Variants in SLC16A10 observed in about 807,000 individuals in gnomAD.
SLC16A10 encodes solute carrier family 16 member 10.
In SLC16A10, 27 loss-of-function variants were observed where a neutral mutation model predicts 40.0. That is an observed-to-expected ratio of 0.67 (90% CI 0.50 to 0.93). The LOEUF (loss-of-function observed/expected upper bound fraction) is 0.93, where lower values mean the gene tolerates loss of function less well. Among genes scored for constraint, SLC16A10 ranks in the 40% least tolerant of loss-of-function variants. The pLI, the probability that SLC16A10 is intolerant of heterozygous loss-of-function variation, is 0.00. For missense variants in SLC16A10, 529 were observed against 658.2 expected, an observed-to-expected ratio of 0.80 and a Z score of 2.15; for synonymous variants, 213 against 249.8, an observed-to-expected ratio of 0.85 and a Z score of 1.39.
intron 1 of SLC16A10, among the ~76,000 whole-genome samples, chr6:111,122,087 T>C (rs2114476333): frequency 6.6e-6 from 1 of 152,276 alleles, no homozygotes; most frequent in Admixed American, 6.5e-5. Flanking sequence ...GCTGTCACCC[T>C]CCACCTCTTG....
In SLC16A10 at chr6:111,130,527, A is replaced by G. The variant is rs1382446567; in HGVS notation, c.344-42168A>G. On this transcript the variant is annotated intron_variant, in intron 1 of 5. Coordinates refer to ENST00000368851, the MANE Select transcript of SLC16A10 (RefSeq NM_018593.5). ...AGCACTGTTGTACTCTCAGCACTAGACATTCTGTTATGTGTGTGTGGAGCT... is the reference window on the plus strand; with the variant it reads ...AGCACTGTTGTACTCTCAGCACTAGGCATTCTGTTATGTGTGTGTGGAGCT... 2.0e-5 allele frequency among the ~76,000 whole-genome samples: 3 copies of G among 152,030 alleles called. No individual in the cohort carries two copies. The East Asian group carries it at 5.8e-4, about 29-fold the overall frequency.
chr6:111,220,375 T>C (rs1770867812), intron 5 of SLC16A10, among the ~76,000 whole-genome samples: 1 of 152,210 alleles, frequency 6.6e-6, no homozygotes, highest in African/African-American at 2.4e-5. Context: ...CTCTGAATGA[T>C]ATTATAAAGA....
chr6:111,224,846 T>C lies in SLC16A10; in HGVS notation c.*2611T>C, dbSNP rs1770961983. On this transcript the variant is annotated 3_prime_UTR_variant, in exon 6 of 6. Transcript: ENST00000368851. ...AATAAAGTGACCTGATAAGCCTAAA[T>C]TTTTTGTGTTCAATCCAGACACTTT... The C allele has an allele frequency of 6.6e-6, 1 of 152,196 alleles. No homozygotes were observed. The highest frequency in any genetic ancestry group is 2.1e-4 in the South Asian group (1 of 4,836). The allele number at this position is 152,196 out of a possible 1,614,324, so 9.4% of individuals were successfully genotyped here.
At chr6:111,124,705 C>T (rs1771643022) in intron 1 of SLC16A10, among the ~76,000 whole-genome samples, 3 of 152,128 alleles carry the variant, frequency 2.0e-5, no homozygotes, top group Admixed American at 2.0e-4. Context: ...TTTATTCTGG[C>T]TTAGGTAATT....
At chr6:111,120,537 G>T (rs1045603299) in intron 1 of SLC16A10, among the ~76,000 whole-genome samples, 4 of 152,076 alleles carry the variant, frequency 2.6e-5, no homozygotes, top group Admixed American at 6.5e-5. Flanking sequence ...TATATTATTA[G>T]ATTTATCAGA....
At position 111,131,471 on chromosome 6, in the gene SLC16A10, C is replaced by T. The variant is rs188723009; in HGVS notation, c.344-41224C>T. On this transcript the variant is annotated intron_variant, in intron 1 of 5. Coordinates refer to ENST00000368851, the MANE Select transcript of SLC16A10 (RefSeq NM_018593.5). ...GGGAGCTCTAAGAACAAGGACCCCC[C>T]GGTAACATTTTGGCCACCATGAAGG... is the stretch of plus-strand genomic sequence containing the variant. Among the ~76,000 whole-genome samples the T allele has an allele frequency of 3.9e-3, 592 of 152,288 alleles. 1 individual carries two copies. Among genetic ancestry groups the T allele is most frequent in the Non-Finnish European group, 6.7e-3 (455 of 68,016 alleles).
At chr6:111,188,589 T>TTCCCAA (rs1772939783) in intron 3 of SLC16A10, among the ~76,000 whole-genome samples, 1 of 152,190 alleles carries the variant, frequency 6.6e-6, no homozygotes, top group African/African-American at 2.4e-5. Flanking sequence ...TCCCAAGTGC[T>TTCCCAA]GGGATCACAG....
At chr6:111,099,554 A>T (rs1323218131) in intron 1 of SLC16A10, among the ~76,000 whole-genome samples, 1 of 151,946 alleles carries the variant, frequency 6.6e-6, no homozygotes, top group Non-Finnish European at 1.5e-5. Context: ...GGCTCAAGCA[A>T]TCCTCCTGCC....
chr6:111,188,472 A>G (rs1252877642), intron 3 of SLC16A10, among the ~76,000 whole-genome samples: 1 of 152,124 alleles, frequency 6.6e-6, no homozygotes, highest in Non-Finnish European at 1.5e-5. Context: ...GGGTTATAAC[A>G]TTTCCTTGAC....
chr6:111,143,426 C>T (rs1772020004), intron 1 of SLC16A10, among the ~76,000 whole-genome samples: 1 of 151,912 alleles, frequency 6.6e-6, no homozygotes, highest in African/African-American at 2.4e-5. Flanking sequence ...TTTTTATTGC[C>T]CAGGCTGGAG....
intron 4 of SLC16A10, among the ~76,000 whole-genome samples, chr6:111,217,058 G>A (rs1486517788): frequency 6.6e-6 from 1 of 152,202 alleles, no homozygotes; most frequent in East Asian, 1.9e-4. Context: ...TGAGGACAGT[G>A]ATGCATACAG....
chr6:111,087,676 C>T lies in SLC16A10; in HGVS notation c.-77C>T, dbSNP rs2114414922. ...CGGCCTCGTTAGCCCGCCAGGAGCC[C>T]CGCAGCTCCTCCGGGAGCCCGCTGG... On this transcript the variant is annotated 5_prime_UTR_variant, in exon 1 of 6. Coordinates refer to ENST00000368851, the MANE Select transcript of SLC16A10 (RefSeq NM_018593.5). 2.3e-6 allele frequency: 2 copies of T among 873,096 alleles called. No individual in the cohort carries two copies. Among genetic ancestry groups the T allele is most frequent in the Non-Finnish European group, 3.0e-6 (2 of 672,466 alleles). 54.1% of individuals were successfully genotyped at this position (873,096 alleles called of 1,614,324 possible).
chr6:111,203,714 C>T (rs138028377), intron 3 of SLC16A10, among the ~76,000 whole-genome samples: 6 of 47,144 alleles, frequency 1.3e-4, no homozygotes, highest in African/African-American at 3.7e-4. Flanking sequence ...AGCGAAACCC[C>T]ATCTCAAATA....
At chr6:111,103,738 T>C (rs1771231582) in intron 1 of SLC16A10, among the ~76,000 whole-genome samples, 1 of 152,042 alleles carries the variant, frequency 6.6e-6, no homozygotes, top group South Asian at 2.1e-4. Flanking sequence ...AGGCTTCAGT[T>C]TTTGAGTTAG....
chr6:111,111,887 T>C (rs565266510), intron 1 of SLC16A10, among the ~76,000 whole-genome samples: 2 of 152,252 alleles, frequency 1.3e-5, no homozygotes, highest in Non-Finnish European at 2.9e-5. Flanking sequence ...ATTTGAGGCA[T>C]GACTTTGTCA....
chr6:111,097,129 A>G (rs1297769425), intron 1 of SLC16A10, among the ~76,000 whole-genome samples: 2 of 152,028 alleles, frequency 1.3e-5, no homozygotes, highest in Non-Finnish European at 2.9e-5. Flanking sequence ...GCCCCAAAAC[A>G]GTGTTTGTAA....
At chr6:111,130,263 C>T (rs1236993596) in intron 1 of SLC16A10, among the ~76,000 whole-genome samples, 2 of 152,162 alleles carry the variant, frequency 1.3e-5, no homozygotes, top group Non-Finnish European at 2.9e-5. Flanking sequence ...GTGGAGTCAA[C>T]ACAATATTTC....
intron 1 of SLC16A10, among the ~76,000 whole-genome samples, chr6:111,115,273 C>G (rs1007377708): frequency 6.6e-6 from 1 of 152,092 alleles, no homozygotes; most frequent in African/African-American, 2.4e-5. Flanking sequence ...CGCAGTGGCA[C>G]GGTCTTGGCT....
At chr6:111,214,055 C>T (rs1411826102) in intron 4 of SLC16A10, among the ~76,000 whole-genome samples, 1 of 152,188 alleles carries the variant, frequency 6.6e-6, no homozygotes, top group Non-Finnish European at 1.5e-5. Context: ...TCCAGCAATG[C>T]TCTCCTTGAG....
Sources: allele counts gnomAD v4.1 joint callset (sites outside exome capture counted in the v4.1 genomes callset), GRCh38; gene constraint gnomAD v4.1.1; transcripts MANE v1.5; gene names NCBI Gene and HGNC (gene_info 2026-07-23, HGNC 2026-07-21).